Variants in UBE2E2 observed in about 807,000 individuals in gnomAD.
The protein encoded by UBE2E2 is ubiquitin conjugating enzyme E2 E2.
Under a neutral mutation model 24.7 loss-of-function variants are expected in UBE2E2, and 6 were observed. The ratio of observed to expected loss-of-function variants is 0.24; its 90% confidence interval spans 0.13 to 0.48. The LOEUF (loss-of-function observed/expected upper bound fraction) is 0.48, where lower values mean the gene tolerates loss of function less well. UBE2E2 is among the 20% of genes least tolerant of loss of function. The pLI is 0.99. For missense variants in UBE2E2, 169 were observed against 245.0 expected (o/e 0.69, Z 2.07); for synonymous variants, 104 against 83.6 (o/e 1.24, Z -1.33).
intron 3 of UBE2E2, among the ~76,000 whole-genome samples, chr3:23,381,290 T>C (rs1419704954): frequency 2.0e-5 from 3 of 152,178 alleles, no homozygotes; most frequent in Non-Finnish European, 4.4e-5. Flanking sequence ...TCTGGGAAAC[T>C]GTGGTAAGAA....
chr3:23,352,032 T>C (rs1388880976), intron 3 of UBE2E2, among the ~76,000 whole-genome samples: 2 of 152,040 alleles, frequency 1.3e-5, no homozygotes, highest in South Asian at 2.1e-4. Context: ...TAACAAACTG[T>C]CTCTCAGACC....
At chr3:23,386,702 G>C (rs757397819) in intron 3 of UBE2E2, among the ~76,000 whole-genome samples, 3 of 152,194 alleles carry the variant, frequency 2.0e-5, no homozygotes, top group Non-Finnish European at 4.4e-5. Context: ...TTGTTTGACA[G>C]ATACTGCTTT....
chr3:23,421,657 C>T (rs969850650), intron 3 of UBE2E2, among the ~76,000 whole-genome samples: 1 of 152,190 alleles, frequency 6.6e-6, no homozygotes, highest in Non-Finnish European at 1.5e-5. Flanking sequence ...CCGCCCACCT[C>T]GGCCTCTCAA....
rs559636277 is a variant in UBE2E2 at position 23,295,673 on chromosome 3, G to C, written c.227+78361G>C. Among the ~76,000 whole-genome samples, 16 of 152,324 alleles carry C rather than the reference G, an allele frequency of 1.1e-4. No homozygotes were observed. In the South Asian group the frequency reaches 3.3e-3, roughly 32 times the overall value. ...GAATACCTACACGAGAGGGAGTTTG[G>C]AGCAGTATTCCGGTTGGAACAGGGT... is the stretch of plus-strand genomic sequence containing the variant. On this transcript the variant is annotated intron_variant, in intron 3 of 5. Transcript: ENST00000396703.
At chr3:23,550,379 CT>C (rs1695615416) in intron 5 of UBE2E2, among the ~76,000 whole-genome samples, 1 of 152,178 alleles carries the variant, frequency 6.6e-6, no homozygotes, top group South Asian at 2.1e-4. Flanking sequence ...GCCCAAGCCT[CT>C]TTTAACCTTG....
At chr3:23,303,185 C>G (rs1221260571) in intron 3 of UBE2E2, among the ~76,000 whole-genome samples, 1 of 152,038 alleles carries the variant, frequency 6.6e-6, no homozygotes. Context: ...GATGATCTGT[C>G]ACTGTCTCCC....
intron 3 of UBE2E2, among the ~76,000 whole-genome samples, chr3:23,431,029 A>G (rs1698047960): frequency 6.6e-6 from 1 of 152,186 alleles, no homozygotes; most frequent in Admixed American, 6.5e-5. Context: ...AAACTGCAGA[A>G]TGTTCTAGAG....
rs552322147 is a variant in UBE2E2, at chr3:23,518,093, A to AT, written c.361-14453dup. On this transcript the variant is annotated intron_variant, in intron 4 of 5. Transcript: ENST00000396703. Reference sequence around the variant, plus strand: ...ACACAGCTTTAAGGAAAATTAACCCATTTTTTTTAGGGCAGTAGTCTTACA... The same window carrying AT: ...ACACAGCTTTAAGGAAAATTAACCCATTTTTTTTTAGGGCAGTAGTCTTACA... Among the ~76,000 whole-genome samples, 631 of 151,844 alleles carry AT rather than the reference A, an allele frequency of 4.2e-3. 3 individuals carry two copies. The highest frequency in any genetic ancestry group is 0.014 in the Middle Eastern group (4 of 294).
chr3:23,413,537 A>G (rs1697546941), intron 3 of UBE2E2, among the ~76,000 whole-genome samples: 1 of 151,660 alleles, frequency 6.6e-6, no homozygotes, highest in African/African-American at 2.4e-5. Flanking sequence ...TTTTTTCTTC[A>G]CTTTTGGTGT....
At chr3:23,221,952 A>G (rs745692367) in intron 3 of UBE2E2, among the ~76,000 whole-genome samples, 47 of 152,300 alleles carry the variant, frequency 3.1e-4, no homozygotes, top group Admixed American at 1.2e-3. Flanking sequence ...TTTAGTGTAA[A>G]GTTCAGTGAA....
intron 3 of UBE2E2, among the ~76,000 whole-genome samples, chr3:23,498,427 A>C (rs1699652675): frequency 6.6e-6 from 1 of 152,212 alleles, no homozygotes; most frequent in African/African-American, 2.4e-5. Context: ...AGCTTCCGAA[A>C]AAATTTTAAA....
intron 5 of UBE2E2, among the ~76,000 whole-genome samples, chr3:23,551,697 G>A (rs912496594): frequency 2.0e-5 from 3 of 152,150 alleles, no homozygotes; most frequent in South Asian, 2.1e-4. Flanking sequence ...GGGGATGAGA[G>A]AGTAAAAAGG....
intron 3 of UBE2E2, among the ~76,000 whole-genome samples, chr3:23,289,756 A>G (rs1698710733): frequency 6.6e-6 from 1 of 152,240 alleles, no homozygotes; most frequent in Non-Finnish European, 1.5e-5. Flanking sequence ...ACTTAGTTGA[A>G]CTTAAGTTAT....
At chr3:23,578,155 A>G (rs1229179818) in intron 5 of UBE2E2, among the ~76,000 whole-genome samples, 1 of 152,226 alleles carries the variant, frequency 6.6e-6, no homozygotes, top group Non-Finnish European at 1.5e-5. Context: ...AAAAGAAGAC[A>G]TACGTGTGGC....
At chr3:23,208,557 A>G (rs547567875) in intron 1 of UBE2E2, 135 bp from the exon 2 acceptor site, 65 of 620,686 alleles carry the variant, frequency 1.0e-4, no homozygotes, top group Non-Finnish European at 1.4e-4. Flanking sequence ...CCAAAGCTGC[A>G]TTGTTTTGTA....
At chr3:23,363,819 C>T (rs770910460) in intron 3 of UBE2E2, among the ~76,000 whole-genome samples, 1 of 151,948 alleles carries the variant, frequency 6.6e-6, no homozygotes, top group East Asian at 1.9e-4. Flanking sequence ...ACAGAACTCT[C>T]TACCCAAAAC....
chr3:23,401,701 G>T (rs1163870196), intron 3 of UBE2E2, among the ~76,000 whole-genome samples: 5 of 151,868 alleles, frequency 3.3e-5, no homozygotes, highest in Non-Finnish European at 5.9e-5. Flanking sequence ...TATATTTTTA[G>T]GTGGAGTCTT....
intron 3 of UBE2E2, among the ~76,000 whole-genome samples, chr3:23,384,982 T>C (rs1014014842): frequency 2.6e-5 from 4 of 151,742 alleles, no homozygotes; most frequent in East Asian, 1.9e-4. Flanking sequence ...CCCAGTCTGA[T>C]TGCGGTGGCA....
chr3:23,449,924 T>C, intron 3 of UBE2E2: 1 of 985,366 alleles, frequency 1.0e-6, no homozygotes, highest in Non-Finnish European at 1.2e-6. Context: ...CCCCTCCCCC[T>C]AGTGAGGAAA....
Sources: allele counts gnomAD v4.1 joint callset (sites outside exome capture counted in the v4.1 genomes callset), GRCh38; gene constraint gnomAD v4.1.1; transcripts MANE v1.5; gene names NCBI Gene and HGNC (gene_info 2026-07-23, HGNC 2026-07-21).